Variants in CSMD2 observed in about 807,000 individuals in gnomAD.
CSMD2 encodes CUB and sushi domain-containing protein 2.
A neutral mutation model predicts 398.5 loss-of-function variants in CSMD2; 130 were observed. The observed-to-expected ratio is 0.33, with a 90% CI of 0.28 to 0.38. CSMD2 has a LOEUF of 0.38. Ranked by LOEUF, CSMD2 falls within the 10% of genes least tolerant of loss-of-function variation. CSMD2 has a pLI of 1.00. For synonymous variants in CSMD2, 1,828 were observed against 1,908.5 expected, an observed-to-expected ratio of 0.96 and a Z score of 1.10; for missense variants, 3,829 against 4,764.9, an observed-to-expected ratio of 0.80 and a Z score of 5.78.
chr1:34,077,223 C>T (rs898365133), intron 2 of CSMD2, among the ~76,000 whole-genome samples: 5 of 151,460 alleles, frequency 3.3e-5, no homozygotes, highest in East Asian at 1.9e-4. Context: ...TTTGGGAGGC[C>T]GAGGAGGGTG....
chr1:33,699,921 A>T (rs1645549946), intron 23 of CSMD2, among the ~76,000 whole-genome samples: 1 of 152,216 alleles, frequency 6.6e-6, no homozygotes, highest in African/African-American at 2.4e-5. Context: ...GATGGAGCTC[A>T]AACAATATGT....
intron 2 of CSMD2, among the ~76,000 whole-genome samples, chr1:34,054,355 C>A (rs576257244): frequency 1.3e-4 from 20 of 152,262 alleles, no homozygotes; most frequent in Middle Eastern, 3.4e-3. Context: ...TTTCTTCAGG[C>A]TTAATCTAGA....
chr1:34,104,999 C>T (rs1301120789), intron 1 of CSMD2, among the ~76,000 whole-genome samples: 2 of 152,228 alleles, frequency 1.3e-5, no homozygotes, highest in African/African-American at 4.8e-5. Context: ...AGGCTCAGTT[C>T]ATCTCCTCTA....
At chr1:33,849,941 C>T (rs769650685) in intron 5 of CSMD2, among the ~76,000 whole-genome samples, 4 of 152,064 alleles carry the variant, frequency 2.6e-5, no homozygotes, top group Non-Finnish European at 4.4e-5. Flanking sequence ...CTTATTATAG[C>T]CTATAAGGCC....
intron 5 of CSMD2, among the ~76,000 whole-genome samples, chr1:33,860,073 A>G (rs1030442977): frequency 1.3e-5 from 2 of 152,198 alleles, no homozygotes; most frequent in Non-Finnish European, 2.9e-5. Context: ...TCATGCATAA[A>G]AACTAAGAAA....
intron 1 of CSMD2, among the ~76,000 whole-genome samples, chr1:34,100,712 C>T (rs1035546269): frequency 1.3e-5 from 2 of 152,160 alleles, no homozygotes; most frequent in Middle Eastern, 3.2e-3. Flanking sequence ...ATTTAGTTAG[C>T]CATTCTCCTA....
intron 13 of CSMD2, among the ~76,000 whole-genome samples, chr1:33,771,739 C>T (rs1651297797): frequency 6.6e-6 from 1 of 152,120 alleles, no homozygotes; most frequent in Non-Finnish European, 1.5e-5. Context: ...GGTGAAGGAT[C>T]TGAGGGTCAG....
intron 62 of CSMD2, among the ~76,000 whole-genome samples, chr1:33,534,623 G>T (rs757807187): frequency 2.6e-5 from 4 of 152,110 alleles, no homozygotes; most frequent in Admixed American, 1.3e-4. Context: ...CTGCAACTCG[G>T]ATTATACTAC....
intron 53 of CSMD2, among the ~76,000 whole-genome samples, chr1:33,563,519 T>C (rs7532335): frequency 0.036 from 5,454 of 152,192 alleles, 405 homozygotes; most frequent in African/African-American, 0.13. Flanking sequence ...TATTATATGA[T>C]TAGCTAACAA....
chr1:34,148,315 G>T (rs566415325), intron 1 of CSMD2, among the ~76,000 whole-genome samples: 2 of 152,152 alleles, frequency 1.3e-5, no homozygotes, highest in Non-Finnish European at 1.5e-5. Flanking sequence ...CTATCTCATT[G>T]CTCCGCATCA....
In CSMD2 at chr1:33,559,421, G is replaced by A. The variant is rs1351352239; in HGVS notation, c.8433C>T (p.Asn2811=). The A allele has an allele frequency of 5.9e-6, 9 of 1,536,004 alleles. No individual in the cohort carries two copies. The South Asian group carries it at 1.1e-4, about 18-fold the overall frequency. ...TGACCACATCGTTGAGGTTAAACTG[G>A]TTACCCTGAGTGAGGCCGTTGACAG... The part of the protein sequence containing the change: ...GNPVNGLTQG[N]QFNLNDVVKF... The change falls in exon 54 of 71, where the codon AAC becomes AAT. Residue 2811 remains asparagine, a synonymous_variant. Transcript: ENST00000373381. The surrounding 1 kb of genome is among the most constrained non-coding windows in gnomAD (Gnocchi z 4.0).
chr1:33,788,151 T>C (rs1239138417), intron 12 of CSMD2, among the ~76,000 whole-genome samples: 1 of 151,802 alleles, frequency 6.6e-6, no homozygotes. Context: ...AACAAAGAGG[T>C]GGCTGGGGCT....
chr1:33,623,834 T>G (rs2148880101), intron 35 of CSMD2, among the ~76,000 whole-genome samples: 1 of 152,304 alleles, frequency 6.6e-6, no homozygotes, highest in Admixed American at 6.5e-5. Flanking sequence ...CCTGCAGCAA[T>G]GAGCCCGTAA....
chr1:34,146,835 T>C lies in CSMD2; in HGVS notation c.187+18076A>G, dbSNP rs376062962. Among the ~76,000 whole-genome samples the C allele has an allele frequency of 4.1e-4, 63 of 152,254 alleles. 1 individual carries two copies. The South Asian group carries it at 0.013, about 31-fold the overall frequency. On this transcript the variant is annotated intron_variant, in intron 1 of 70. Coordinates refer to ENST00000373381, the MANE Select transcript of CSMD2 (RefSeq NM_001281956.2). The stretch of plus-strand genomic sequence containing the variant: ...AGAGTCATATAGGTGACAGCAGGAA[T>C]GAAGACTTCAGTGTGTGGAGTGGGG...
chr1:33,803,929 G>C (rs1206083253), intron 10 of CSMD2, among the ~76,000 whole-genome samples: 4 of 152,180 alleles, frequency 2.6e-5, no homozygotes, highest in Non-Finnish European at 5.9e-5. Context: ...CTGAGATCTT[G>C]TTCCATCCAG....
Position 33,725,337 on chromosome 1 carries a change from A to G in CSMD2, c.2695+12T>C. On this transcript the variant is annotated intron_variant, in intron 17 of 70. Coordinates refer to ENST00000373381, the MANE Select transcript of CSMD2 (RefSeq NM_001281956.2). ...CCTTGTCATCCCTTTTCCTGAGCCC[A>G]CTGAGACTCACTCTCATAGCGGAGC... The G allele has an allele frequency of 1.2e-6, 2 of 1,612,078 alleles. No individual in the cohort carries two copies. Among genetic ancestry groups the G allele is most frequent in the South Asian group, 2.2e-5 (2 of 90,920 alleles).
chr1:34,125,405 G>T (rs1662629544), intron 1 of CSMD2, among the ~76,000 whole-genome samples: 1 of 152,150 alleles, frequency 6.6e-6, no homozygotes, highest in Admixed American at 6.5e-5. Context: ...GGCATATGGG[G>T]CTCCTTCATT....
chr1:33,813,770 A>G (rs1657132668), intron 9 of CSMD2, among the ~76,000 whole-genome samples: 1 of 152,076 alleles, frequency 6.6e-6, no homozygotes, highest in African/African-American at 2.4e-5. Context: ...TCTGATTCCC[A>G]TCCTGTTCCA....
chr1:34,089,105 G>A lies in CSMD2; in HGVS notation c.276C>T (p.Cys92=). Reference sequence around the variant, plus strand: ...GCTCTTCCGCGGTGATGGTCCACGTGCAGTTGGCGTAATTGGGGTAGCCAT... The same window carrying A: ...GCTCTTCCGCGGTGATGGTCCACGTACAGTTGGCGTAATTGGGGTAGCCAT... ...FPYGYPNYAN[C]TWTITAEEQH... Residue 92 remains cysteine (C), a synonymous_variant, in exon 2 of 71, where the codon TGC becomes TGT. Coordinates refer to ENST00000373381, the MANE Select transcript of CSMD2 (RefSeq NM_001281956.2). 6.2e-7 allele frequency: 1 copy of A among 1,614,198 alleles called. No individual in the cohort carries two copies. Among genetic ancestry groups the A allele is most frequent in the South Asian group, 1.1e-5 (1 of 91,082 alleles).
Sources: gnomAD v4.1 joint callset for allele counts (sites outside exome capture counted in the v4.1 genomes callset) on GRCh38, gnomAD v4.1.1 for gene constraint, Gnocchi (gnomAD v3.1) non-coding constraint, MANE v1.5 for transcripts, NCBI Gene and HGNC (gene_info 2026-07-23, HGNC 2026-07-21) for gene names.